Variants in PCMTD1 observed in about 807,000 individuals in gnomAD.
PCMTD1 encodes protein-L-isoaspartate (D-aspartate) O-methyltransferase domain containing 1.
In PCMTD1, 12 loss-of-function variants were observed where a neutral mutation model predicts 37.6. The observed-to-expected ratio is 0.32, with a 90% CI of 0.20 to 0.52. PCMTD1 has a LOEUF of 0.52. PCMTD1 is among the 20% of genes least tolerant of loss of function. The probability of loss-of-function intolerance (pLI) is 0.97; values close to 1 mark genes in which losing one functional copy is unlikely to be tolerated. For synonymous variants in PCMTD1, 117 were observed against 135.8 expected, an observed-to-expected ratio of 0.86 and a Z score of 0.96; for missense variants, 235 against 421.3, an observed-to-expected ratio of 0.56 and a Z score of 3.87.
intron 3 of PCMTD1, among the ~76,000 whole-genome samples, chr8:51,842,902 G>A (rs1433605071): frequency 6.6e-6 from 1 of 151,936 alleles, no homozygotes; most frequent in Non-Finnish European, 1.5e-5. Flanking sequence ...CGATAATCTG[G>A]TACTAAGGAA....
chr8:51,885,075 T>A (rs1276691521), intron 1 of PCMTD1, among the ~76,000 whole-genome samples: 1 of 152,068 alleles, frequency 6.6e-6, no homozygotes, highest in Non-Finnish European at 1.5e-5. Context: ...ATTTATATAA[T>A]CCTGAAAACC....
At chr8:51,866,751 C>A (rs547436568) in intron 1 of PCMTD1, among the ~76,000 whole-genome samples, 3 of 151,982 alleles carry the variant, frequency 2.0e-5, no homozygotes, top group Non-Finnish European at 4.4e-5. Context: ...CCCAAAAGCA[C>A]AGGCAACAAA....
chr8:51,854,209 T>C (rs1278418492), intron 2 of PCMTD1, among the ~76,000 whole-genome samples: 1 of 152,184 alleles, frequency 6.6e-6, no homozygotes, highest in Non-Finnish European at 1.5e-5. Flanking sequence ...GTAAAACCTG[T>C]ATTGACTTCT....
chr8:51,868,896 T>G (rs2038599055), intron 1 of PCMTD1, among the ~76,000 whole-genome samples: 1 of 152,212 alleles, frequency 6.6e-6, no homozygotes, highest in South Asian at 2.1e-4. Context: ...ACTGTCATTA[T>G]TAACTTTTAA....
At chr8:51,822,886 A>G (rs754319561) in intron 5 of PCMTD1, among the ~76,000 whole-genome samples, 28 of 152,236 alleles carry the variant, frequency 1.8e-4, no homozygotes, top group Admixed American at 2.6e-4. Flanking sequence ...AATAGAAACT[A>G]TATCAGTCTT....
intron 1 of PCMTD1, among the ~76,000 whole-genome samples, chr8:51,892,909 G>A (rs115162480): frequency 6.6e-6 from 1 of 152,246 alleles, no homozygotes; most frequent in African/African-American, 2.4e-5. Context: ...ATCCCAGGGG[G>A]GAAAATGGGA....
At chr8:51,885,975 T>C (rs1486524398) in intron 1 of PCMTD1, among the ~76,000 whole-genome samples, 1 of 152,236 alleles carries the variant, frequency 6.6e-6, no homozygotes, top group African/African-American at 2.4e-5. Context: ...CATTTTTAAA[T>C]GTGTACTTAC....
In PCMTD1 at chr8:51,848,733, AAAG is replaced by A. The variant is rs532216868; in HGVS notation, c.308-2973_308-2971del. On this transcript the variant is annotated intron_variant, in intron 2 of 5. Coordinates refer to ENST00000522514, the MANE Select transcript of PCMTD1 (RefSeq NM_052937.4). ...AGATAAAGACAATTCATTAATATGT[AAAG>A]AATTTGACAAACAATATAAATATAC... Among the ~76,000 whole-genome samples, 99 of 152,316 alleles carry A rather than the reference AAAG, an allele frequency of 6.5e-4. No homozygotes were observed. In the East Asian group the frequency reaches 0.018, roughly 27 times the overall value.
At chr8:51,880,522 A>C (rs2038776628) in intron 1 of PCMTD1, among the ~76,000 whole-genome samples, 2 of 152,168 alleles carry the variant, frequency 1.3e-5, no homozygotes, top group South Asian at 4.1e-4. Context: ...TCTCTACTGT[A>C]GTCTTCTCTA....
At position 51,820,266 on chromosome 8, in the gene PCMTD1, A is replaced by G. The variant is rs570501088; in HGVS notation, c.*85T>C. The G allele has an allele frequency of 1.6e-6, 2 of 1,288,688 alleles. No homozygotes were observed. The highest frequency in any genetic ancestry group is 2.0e-6 in the Non-Finnish European group (2 of 983,538). 79.8% of individuals were successfully genotyped at this position (1,288,688 alleles called of 1,614,324 possible). A position where few individuals can be genotyped will look rare whatever the true frequency, so the allele number is the denominator to read the frequency against. On this transcript the variant is annotated 3_prime_UTR_variant, in exon 6 of 6. Transcript: ENST00000522514. ...ACTATAATTTGCTCTGATGAAAGAA[A>G]TAATTCTCTCTTTTAACTCCTAACA...
intron 1 of PCMTD1, among the ~76,000 whole-genome samples, chr8:51,881,759 G>GT (rs1353138712): frequency 6.6e-6 from 1 of 152,172 alleles, no homozygotes; most frequent in Non-Finnish European, 1.5e-5. Context: ...AAACCTCGGT[G>GT]TAAGTCAAAA....
chr8:51,827,415 TG>T, intron 5 of PCMTD1: 1 of 563,796 alleles, frequency 1.8e-6, no homozygotes, highest in South Asian at 1.5e-5. Context: ...TGTTTTAAAT[TG>T]TGAGCTGTTC....
intron 2 of PCMTD1, among the ~76,000 whole-genome samples, chr8:51,855,384 T>A (rs2038371910): frequency 6.9e-6 from 1 of 144,728 alleles, no homozygotes; most frequent in Non-Finnish European, 1.5e-5. Flanking sequence ...AAAAAAAAAA[T>A]TAGCCAAGCG....
intron 3 of PCMTD1, 150 bp from the exon 4 acceptor site, chr8:51,833,839 TAA>T: frequency 1.9e-6 from 1 of 527,040 alleles, no homozygotes; most frequent in Non-Finnish European, 3.1e-6. Context: ...TAATATTTAT[TAA>T]GTTTAGCACT....
intron 3 of PCMTD1, among the ~76,000 whole-genome samples, chr8:51,844,210 T>C (rs1481250449): frequency 6.6e-6 from 1 of 152,170 alleles, no homozygotes; most frequent in Non-Finnish European, 1.5e-5. Context: ...AGTAAAAACT[T>C]TTATTTCTGC....
intron 3 of PCMTD1, among the ~76,000 whole-genome samples, chr8:51,840,728 AC>A (rs1434068791): frequency 3.3e-5 from 5 of 152,162 alleles, no homozygotes; most frequent in African/African-American, 7.2e-5. Context: ...AGTAGATATG[AC>A]CATGTCAACT....
chr8:51,853,365 A>G (rs1283222802), intron 2 of PCMTD1, among the ~76,000 whole-genome samples: 1 of 152,158 alleles, frequency 6.6e-6, no homozygotes, highest in Non-Finnish European at 1.5e-5. Flanking sequence ...TATCCAACTC[A>G]GCCTAGGGAA....
rs551503159 is a variant in PCMTD1, at chr8:51,899,026, C to T, written c.-192G>A. On this transcript the variant is annotated 5_prime_UTR_variant, in exon 1 of 6. Transcript: ENST00000522514. ...ACCACCACAATAACAACACGGACGCCACCGCCGAGTGGAGAGGCGGGGCCC... is the reference window on the plus strand; with the variant it reads ...ACCACCACAATAACAACACGGACGCTACCGCCGAGTGGAGAGGCGGGGCCC... The T allele has an allele frequency of 4.0e-5, 61 of 1,512,206 alleles. No individual in the cohort carries two copies. The highest frequency in any genetic ancestry group is 5.2e-5 in the Non-Finnish European group (59 of 1,137,150). The allele number at this position is 1,512,206 out of a possible 1,614,324, so 93.7% of individuals were successfully genotyped here.
Position 51,836,598 on chromosome 8 carries a change from A to G in PCMTD1, c.411-2909T>C, listed in dbSNP as rs142554825. On this transcript the variant is annotated intron_variant, in intron 3 of 5. Coordinates refer to ENST00000522514, the MANE Select transcript of PCMTD1 (RefSeq NM_052937.4). ...ATGAACTAAATTAAAAAAAAGAAACATAAATGTTTTAACTTTTCTACCTAC... is the reference window on the plus strand; with the variant it reads ...ATGAACTAAATTAAAAAAAAGAAACGTAAATGTTTTAACTTTTCTACCTAC... 3.2e-3 allele frequency among the ~76,000 whole-genome samples: 485 copies of G among 152,342 alleles called. 2 individuals are homozygous for G. The highest frequency in any genetic ancestry group is 0.011 in the African/African-American group (447 of 41,576).
Sources: gnomAD v4.1 joint callset for allele counts (sites outside exome capture counted in the v4.1 genomes callset) on GRCh38, gnomAD v4.1.1 for gene constraint, MANE v1.5 for transcripts, NCBI Gene and HGNC (gene_info 2026-07-23, HGNC 2026-07-21) for gene names.